The following NDST3 variants were observed in gnomAD, a reference collection of about 807,000 sequenced individuals.
NDST3 encodes the protein bifunctional heparan sulfate N-deacetylase/N-sulfotransferase 3.
A neutral mutation model predicts 96.1 loss-of-function variants in NDST3; 58 were observed. The observed-to-expected ratio is 0.60, with a 90% CI of 0.49 to 0.75. The LOEUF is 0.75. NDST3 is among the 30% of genes least tolerant of loss of function. The pLI, the probability that NDST3 is intolerant of heterozygous loss-of-function variation, is 0.00. For missense variants in NDST3, 788 were observed against 1,034.2 expected, an observed-to-expected ratio of 0.76 and a Z score of 3.27; for synonymous variants, 333 against 359.7, an observed-to-expected ratio of 0.93 and a Z score of 0.84.
chr4:118,253,084 G>C (rs181116908), intron 12 of NDST3, among the ~76,000 whole-genome samples: 228 of 152,210 alleles, frequency 1.5e-3, no homozygotes, highest in African/African-American at 5.3e-3. Context: ...GATACAAGTA[G>C]CATCTAAATC....
chr4:118,147,111 G>C (rs570836711), intron 6 of NDST3, among the ~76,000 whole-genome samples: 2 of 152,264 alleles, frequency 1.3e-5, no homozygotes, highest in East Asian at 3.9e-4. Flanking sequence ...GAGTATTTCA[G>C]TTCCTCTCTA....
chr4:118,103,985 G>T (rs537082043), intron 2 of NDST3, among the ~76,000 whole-genome samples: 1 of 152,258 alleles, frequency 6.6e-6, no homozygotes, highest in East Asian at 1.9e-4. Context: ...TCATGGGGTA[G>T]TCAATGAATA....
chr4:118,074,745 G>T lies in NDST3; in HGVS notation c.981+19854G>T, dbSNP rs114098716. On this transcript the variant is annotated intron_variant, in intron 2 of 13. Coordinates refer to ENST00000296499, the MANE Select transcript of NDST3 (RefSeq NM_004784.3). ...GGAATTTAGCCCATTTATATTCAAGGTTAATACTGATATGTACAAATTTGA... is the reference window on the plus strand; with the variant it reads ...GGAATTTAGCCCATTTATATTCAAGTTTAATACTGATATGTACAAATTTGA... Among the ~76,000 whole-genome samples the T allele has an allele frequency of 4.7e-3, 722 of 152,108 alleles. 7 individuals carry two copies. The highest frequency in any genetic ancestry group is 0.017 in the African/African-American group (692 of 41,500).
intron 6 of NDST3, among the ~76,000 whole-genome samples, chr4:118,187,178 A>G (rs1737019433): frequency 6.6e-6 from 1 of 152,234 alleles, no homozygotes; most frequent in African/African-American, 2.4e-5. Context: ...TCCTTCACGT[A>G]CAACTAGAAG....
At chr4:118,168,289 C>T (rs1374870677) in intron 6 of NDST3, among the ~76,000 whole-genome samples, 6 of 151,826 alleles carry the variant, frequency 4.0e-5, no homozygotes, top group East Asian at 1.9e-4. Flanking sequence ...TCTCCAAAGA[C>T]GACATGACCA....
chr4:118,075,053 C>A (rs1050128324), intron 2 of NDST3, among the ~76,000 whole-genome samples: 1 of 151,634 alleles, frequency 6.6e-6, no homozygotes, highest in Non-Finnish European at 1.5e-5. Context: ...CCTTCCCCAT[C>A]CCCCCACCCC....
chr4:118,049,896 C>T (rs1238397959), intron 1 of NDST3, among the ~76,000 whole-genome samples: 3 of 152,006 alleles, frequency 2.0e-5, no homozygotes, highest in African/African-American at 7.2e-5. Flanking sequence ...AAGCAAGCAT[C>T]AGCCTGATAC....
At chr4:118,063,524 T>C (rs113558315) in intron 2 of NDST3, among the ~76,000 whole-genome samples, 2 of 152,286 alleles carry the variant, frequency 1.3e-5, no homozygotes, top group Admixed American at 1.3e-4. Flanking sequence ...GTTAAGAGAA[T>C]TTATTTCTTC....
At chr4:118,240,027 T>C (rs1464159741) in intron 10 of NDST3, among the ~76,000 whole-genome samples, 1 of 152,052 alleles carries the variant, frequency 6.6e-6, no homozygotes, top group Non-Finnish European at 1.5e-5. Context: ...TCAGATAATG[T>C]ACATGTCAGA....
At chr4:118,076,488 T>C (rs1727543895) in intron 2 of NDST3, among the ~76,000 whole-genome samples, 1 of 152,180 alleles carries the variant, frequency 6.6e-6, no homozygotes. Flanking sequence ...TTTTGTTCAT[T>C]ATTTTTATTA....
intron 1 of NDST3, among the ~76,000 whole-genome samples, chr4:118,046,571 C>CTT (rs1724772854): frequency 6.6e-6 from 1 of 152,198 alleles, no homozygotes; most frequent in East Asian, 1.9e-4. Flanking sequence ...AGTACAGCCT[C>CTT]TGCTGCCCAG....
intron 6 of NDST3, among the ~76,000 whole-genome samples, chr4:118,221,910 A>G (rs1019623861): frequency 1.3e-5 from 2 of 151,828 alleles, no homozygotes; most frequent in African/African-American, 4.8e-5. Flanking sequence ...TATAAATGCA[A>G]TTGTCACTTC....
intron 8 of NDST3, among the ~76,000 whole-genome samples, chr4:118,227,229 T>TTTG: frequency 1.1e-5 from 1 of 88,348 alleles, no homozygotes; most frequent in Non-Finnish European, 2.9e-5. Context: ...TAGCACATGT[T>TTTG]TTTTTTTTTC....
chr4:118,184,902 C>T (rs1736842887), intron 6 of NDST3, among the ~76,000 whole-genome samples: 1 of 152,094 alleles, frequency 6.6e-6, no homozygotes, highest in Non-Finnish European at 1.5e-5. Flanking sequence ...CATGAAGTGG[C>T]TTTTTCTTTA....
chr4:118,066,202 T>TATATATTATATATATTATATATA lies in NDST3; in HGVS notation c.981+11311_981+11312insATATATTATATATATTATATATA, dbSNP rs1560617800. On this transcript the variant is annotated intron_variant, in intron 2 of 13. Coordinates refer to ENST00000296499, the MANE Select transcript of NDST3 (RefSeq NM_004784.3). ...ATATTATATATCTTATATATTATAT[T>TATATATTATATATATTATATATA]TTATATATTATACATAATATATTAT... Among the ~76,000 whole-genome samples, 80 of 57,258 alleles carry TATATATTATATATATTATATATA rather than the reference T, an allele frequency of 1.4e-3. 10 individuals carry two copies. The highest frequency in any genetic ancestry group is 5.2e-3 in the African/African-American group (77 of 14,732). 37.6% of individuals were successfully genotyped at this position (57,258 alleles called of 152,430 possible). A position where few individuals can be genotyped will look rare whatever the true frequency, so the allele number is the denominator to read the frequency against.
chr4:118,090,325 C>T (rs755181143), intron 2 of NDST3, among the ~76,000 whole-genome samples: 1 of 151,910 alleles, frequency 6.6e-6, no homozygotes, highest in Non-Finnish European at 1.5e-5. Context: ...AAATTTGGTT[C>T]TGCTTTGGGA....
At chr4:118,255,190 A>G (rs1431752385) in intron 13 of NDST3, among the ~76,000 whole-genome samples, 2 of 152,246 alleles carry the variant, frequency 1.3e-5, no homozygotes, top group Non-Finnish European at 1.5e-5. Flanking sequence ...GTAGAGAAAG[A>G]TAAGAAAAAC....
intron 5 of NDST3, 48 bp from the exon 6 acceptor site, chr4:118,143,508 G>C (rs1304808322): frequency 6.4e-7 from 1 of 1,572,810 alleles, no homozygotes; most frequent in African/African-American, 1.4e-5. Flanking sequence ...TCAACAAATT[G>C]ATTGGAAAAA....
chr4:118,112,576 A>C (rs1730725520), intron 3 of NDST3, among the ~76,000 whole-genome samples: 1 of 152,250 alleles, frequency 6.6e-6, no homozygotes, highest in Admixed American at 6.5e-5. Flanking sequence ...AATGTTAAGC[A>C]ACAGGGGAGT....
Sources: gnomAD v4.1 joint callset for allele counts (sites outside exome capture counted in the v4.1 genomes callset) on GRCh38, gnomAD v4.1.1 for gene constraint, MANE v1.5 for transcripts, NCBI Gene and HGNC (gene_info 2026-07-23, HGNC 2026-07-21) for gene names.